MYO7A: variants seen among roughly 807,000 people sequenced by gnomAD.
The protein encoded by MYO7A is unconventional myosin-VIIa.
MYO7A carries 210 observed loss-of-function variants against 263.8 expected under a neutral mutation model. The ratio of observed to expected loss-of-function variants is 0.80; its 90% CI spans 0.71 to 0.89. The LOEUF (loss-of-function observed/expected upper bound fraction) is 0.89. Ranked by LOEUF, MYO7A falls within the 40% of genes least tolerant of loss-of-function variation. The pLI is 0.00. For synonymous variants in MYO7A, 1,239 were observed against 1,197.3 expected (o/e 1.03, Z -0.72); for missense variants, 2,820 against 2,968.3 (o/e 0.95, Z 1.16).
At chr11:77,159,403 G>GGGGC in intron 9 of MYO7A, 44 bp from the exon 10 acceptor site, 35 of 711,596 alleles carry the variant, frequency 4.9e-5, no homozygotes, top group Non-Finnish European at 7.3e-5. Context: ...TGCCCCTGTT[G>GGGGC]CCCACCCTCC....
chr11:77,202,453 C>T (rs1433706719), intron 37 of MYO7A, 29 bp downstream of exon 37: 5 of 1,546,632 alleles, frequency 3.2e-6, no homozygotes, highest in Non-Finnish European at 4.4e-6. Context: ...GGATGGGAGC[C>T]ACAGGGCTAG....
intron 3 of MYO7A, 90 bp downstream of exon 3, chr11:77,142,912 G>C (rs1951315823): frequency 1.8e-6 from 2 of 1,097,062 alleles, no homozygotes; most frequent in Non-Finnish European, 2.7e-6. Flanking sequence ...ATCGAAAGGA[G>C]ATGGAGGCCA....
chr11:77,145,680 T>C (rs1555053258), intron 3 of MYO7A, among the ~76,000 whole-genome samples: 1 of 152,048 alleles, frequency 6.6e-6, no homozygotes, highest in African/African-American at 2.4e-5. Context: ...TCCAGGCAGG[T>C]TCCCTAACAG....
At chr11:77,200,635 G>A (rs1342722214) in intron 35 of MYO7A, among the ~76,000 whole-genome samples, 1 of 152,238 alleles carries the variant, frequency 6.6e-6, no homozygotes, top group Non-Finnish European at 1.5e-5. Flanking sequence ...CTTGGCCTTG[G>A]CACTCAAGGC....
At chr11:77,160,482 C>A (rs1565352713) in intron 11 of MYO7A, among the ~76,000 whole-genome samples, 200 bp downstream of exon 11, 2 of 152,180 alleles carry the variant, frequency 1.3e-5, no homozygotes, top group South Asian at 4.1e-4. Flanking sequence ...CCGCCCCAGG[C>A]CCTTGGCTTT....
Position 77,138,601 on chromosome 11 carries a change from G to T in MYO7A, c.19-4108G>T, listed in dbSNP as rs1565301319. ...CCTCCCCCAGTGTGAACTTGGCCGC[G>T]GCTGCCCTTTCCTAGGAGGAGAGGT... On this transcript the variant is annotated intron_variant, in intron 2 of 48. Coordinates refer to ENST00000409709, the MANE Select transcript of MYO7A (RefSeq NM_000260.4). This position sits in a 1 kb window ranked among gnomAD's most constrained non-coding sequence, Gnocchi z 4.9. Among the ~76,000 whole-genome samples, 1 of 152,196 alleles carries T rather than the reference G, an allele frequency of 6.6e-6. No individual in the cohort carries two copies. Among genetic ancestry groups the T allele is most frequent in the Non-Finnish European group, 1.5e-5 (1 of 68,010 alleles).
rs2135471647 is a variant in MYO7A, at chr11:77,179,773, C to T, written c.2406C>T (p.Arg802=). ...TCCTGCGGCTGCAGGCCCTGCACCG[C>T]TCCCGGAAGCTGCACCAGCAGTACC... ...LGFLRLQALH[R]SRKLHQQYRL... is the part of the protein sequence containing the mutation. Residue 802 remains arginine, a synonymous_variant, in exon 21 of 49, where the codon CGC becomes CGT. Transcript: ENST00000409709. 1.3e-6 allele frequency: 2 copies of T among 1,551,084 alleles called. No individual in the cohort carries two copies. Among genetic ancestry groups the T allele is most frequent in the South Asian group, 2.4e-5 (2 of 84,340 alleles).
At chr11:77,200,427 A>G (rs1363902340) in intron 35 of MYO7A, among the ~76,000 whole-genome samples, 1 of 152,204 alleles carries the variant, frequency 6.6e-6, no homozygotes, top group Non-Finnish European at 1.5e-5. Context: ...TTTTTAAACA[A>G]TCAGTTCTCA....
chr11:77,191,663 C>T (rs1208158048), intron 30 of MYO7A, among the ~76,000 whole-genome samples: 2 of 152,184 alleles, frequency 1.3e-5, no homozygotes, highest in South Asian at 2.1e-4. Flanking sequence ...GTGATTTTGC[C>T]TCCACCCCCA....
intron 34 of MYO7A, 128 bp from the exon 35 acceptor site, chr11:77,199,407 G>A: frequency 1.0e-6 from 1 of 980,758 alleles, no homozygotes; most frequent in South Asian, 2.5e-5. Flanking sequence ...GGCCACTGTG[G>A]GTCTCCCTCT....
Position 77,159,484 on chromosome 11 carries a change from C to A in MYO7A, c.1041C>A (p.Leu347=). The change falls in exon 10 of 49, where the codon CTC becomes CTA. Residue 347 remains leucine, a synonymous_variant. Coordinates refer to ENST00000409709, the MANE Select transcript of MYO7A (RefSeq NM_000260.4). Reference sequence around the variant, plus strand: ...AAAACCTGGATGCCTGTGAGGTTCTCTTCTCCCCATCGCTGGCCACAGCTG... The same window carrying A: ...AAAACCTGGATGCCTGTGAGGTTCTATTCTCCCCATCGCTGGCCACAGCTG... ...TFENLDACEV[L]FSPSLATAAS... is the part of the protein sequence containing the mutation. 1 of 1,553,272 alleles carries A rather than the reference C, an allele frequency of 6.4e-7. No individual in the cohort carries two copies. The highest frequency in any genetic ancestry group is 8.8e-7 in the Non-Finnish European group (1 of 1,140,740).
chr11:77,189,530 T>G (rs1955880625), intron 28 of MYO7A, 60 bp downstream of exon 28: 1 of 1,600,844 alleles, frequency 6.2e-7, no homozygotes. Context: ...CCCAGCACTG[T>G]GGGGAGAGCA....
intron 27 of MYO7A, among the ~76,000 whole-genome samples, chr11:77,188,655 G>A (rs1321897760): frequency 6.6e-6 from 1 of 152,184 alleles, no homozygotes; most frequent in African/African-American, 2.4e-5. Context: ...CATTTATGAG[G>A]GGTTCACTGT....
At chr11:77,195,285 G>T (rs959904263) in intron 32 of MYO7A, among the ~76,000 whole-genome samples, 1 of 152,036 alleles carries the variant, frequency 6.6e-6, no homozygotes, top group Non-Finnish European at 1.5e-5. Context: ...CCCTGCGCCA[G>T]CCTGCTTCCC....
chr11:77,213,822 C>A (rs1465496474), intron 47 of MYO7A, 38 bp from the exon 48 acceptor site: 1 of 1,613,702 alleles, frequency 6.2e-7, no homozygotes. Context: ...GCCACAGGGC[C>A]CAGGCCGTGC....
rs111033376 is a variant in MYO7A, at chr11:77,192,104, C to T, written c.3978C>T (p.Cys1326=). 209 of 1,613,782 alleles carry T rather than the reference C, an allele frequency of 1.3e-4. No homozygotes were observed. Among genetic ancestry groups the T allele is most frequent in the Middle Eastern group, 4.9e-4 (3 of 6,084 alleles). Residue 1326 remains cysteine (C), a synonymous_variant, in exon 31 of 49, where the codon TGC becomes TGT. Transcript: ENST00000409709. Reference sequence around the variant, plus strand: ...ACGTCATGGACGCCATCTCCCAGTGCGAGCAGTACGCCAAGGAGCAGGGCG... The same window carrying T: ...ACGTCATGGACGCCATCTCCCAGTGTGAGCAGTACGCCAAGGAGCAGGGCG... ...SDHVMDAISQ[C]EQYAKEQGAQ...
At chr11:77,198,795 G>T (rs889546544) in intron 34 of MYO7A, among the ~76,000 whole-genome samples, 174 bp downstream of exon 34, 6 of 152,240 alleles carry the variant, frequency 3.9e-5, no homozygotes, top group African/African-American at 1.4e-4. Flanking sequence ...GGAGGGATGG[G>T]CTTGGGCTTT....
intron 4 of MYO7A, among the ~76,000 whole-genome samples, chr11:77,151,185 C>T (rs1358787522): frequency 6.6e-6 from 1 of 152,222 alleles, no homozygotes; most frequent in Non-Finnish European, 1.5e-5. Flanking sequence ...ACTGCATGGT[C>T]CTAGAGAGCA....
chr11:77,211,168 T>A lies in MYO7A; in HGVS notation c.6068T>A (p.Leu2023His). 1 of 1,584,190 alleles carries A rather than the reference T, an allele frequency of 6.3e-7. No homozygotes were observed. The highest frequency in any genetic ancestry group is 8.6e-7 in the Non-Finnish European group (1 of 1,165,016). Residue 2023 changes from leucine (L) to histidine (H), a missense_variant, in exon 45 of 49, where the codon CTC becomes CAC. By Grantham distance (99) the Leu-to-His change is moderately conservative (BLOSUM62 -3). Transcript: ENST00000409709. ...FHYYQELPKY[L>H]RGYHKCTREE... ...CTCTGACAGGAGTTGCCCAAGTATC[T>A]CCGAGGCTACCACAAGTGCACGCGG...
Sources: gnomAD v4.1 joint callset for allele counts (sites outside exome capture counted in the v4.1 genomes callset) on GRCh38, gnomAD v4.1.1 for gene constraint, Gnocchi (gnomAD v3.1) non-coding constraint, MANE v1.5 for transcripts, NCBI Gene and HGNC (gene_info 2026-07-23, HGNC 2026-07-21) for gene names.